The following IDE variants were observed in gnomAD, a reference collection of about 807,000 sequenced individuals.
The protein encoded by IDE is insulin degrading enzyme.
A neutral mutation model predicts 133.2 loss-of-function variants in IDE; 58 were observed. The observed-to-expected ratio is 0.44, with a 90% CI of 0.35 to 0.54. The LOEUF (loss-of-function observed/expected upper bound fraction) is 0.54. IDE is among the 20% of genes least tolerant of loss of function. The pLI, the probability that IDE is intolerant of heterozygous loss-of-function variation, is 0.00. For synonymous variants in IDE, 396 were observed against 421.3 expected (o/e 0.94, Z 0.73); for missense variants, 981 against 1,234.0 (o/e 0.79, Z 3.07).
intron 1 of IDE, chr10:92,541,197 AT>A: frequency 6.8e-6 from 2 of 293,942 alleles, no homozygotes. Context: ...TAGTAGCAAC[AT>A]TTTCAAACAA....
chr10:92,560,424 T>G (rs1213826473), intron 1 of IDE, among the ~76,000 whole-genome samples: 1 of 152,200 alleles, frequency 6.6e-6, no homozygotes, highest in Non-Finnish European at 1.5e-5. Context: ...CTTGACTTAC[T>G]GTACACTGTT....
Position 92,562,172 on chromosome 10 carries a change from A to G in IDE, c.98+11750T>C, listed in dbSNP as rs532196186. 7.9e-5 allele frequency among the ~76,000 whole-genome samples: 12 copies of G among 152,312 alleles called. No homozygotes were observed. The South Asian group carries it at 2.3e-3, about 29-fold the overall frequency. On this transcript the variant is annotated intron_variant, in intron 1 of 24. Coordinates refer to ENST00000265986, the MANE Select transcript of IDE (RefSeq NM_004969.4). ...TCAGGATTTCTAAGTGTTGATTCCC[A>G]TTTAAAAAATAACAACTGCAAAACA...
chr10:92,463,118 T>C (rs1845486325), intron 21 of IDE, among the ~76,000 whole-genome samples: 1 of 152,142 alleles, frequency 6.6e-6, no homozygotes, highest in Non-Finnish European at 1.5e-5. Flanking sequence ...AAAAAAGGTG[T>C]CTTGACCAAG....
At chr10:92,544,501 T>C (rs566508877) in intron 1 of IDE, among the ~76,000 whole-genome samples, 1 of 152,164 alleles carries the variant, frequency 6.6e-6, no homozygotes, top group Non-Finnish European at 1.5e-5. Context: ...GGCAAGCTGA[T>C]TGTGGTAAAG....
At chr10:92,569,828 T>C (rs75673472) in intron 1 of IDE, among the ~76,000 whole-genome samples, 5,416 of 152,200 alleles carry the variant, frequency 0.036, 363 homozygotes, top group African/African-American at 0.12. Context: ...TAAAAAGTTA[T>C]TCCGAGCGCA....
At chr10:92,564,695 A>C (rs1843441169) in intron 1 of IDE, among the ~76,000 whole-genome samples, 2 of 138,348 alleles carry the variant, frequency 1.4e-5, no homozygotes, top group Non-Finnish European at 1.6e-5. Context: ...AAAAAAAAAA[A>C]AAAAAAAAAA....
At chr10:92,555,325 C>T (rs1284609754) in intron 1 of IDE, among the ~76,000 whole-genome samples, 6 of 151,902 alleles carry the variant, frequency 3.9e-5, no homozygotes, top group Admixed American at 3.3e-4. Context: ...TGGTGAAATC[C>T]CATCTCTACT....
intron 4 of IDE, among the ~76,000 whole-genome samples, chr10:92,519,178 G>A (rs1404520556): frequency 6.6e-6 from 1 of 152,120 alleles, no homozygotes; most frequent in Non-Finnish European, 1.5e-5. Flanking sequence ...ACAAAAAGAT[G>A]TACTCCCCAG....
intron 4 of IDE, among the ~76,000 whole-genome samples, chr10:92,528,036 T>G (rs1319125668): frequency 6.6e-6 from 1 of 152,214 alleles, no homozygotes; most frequent in Non-Finnish European, 1.5e-5. Flanking sequence ...CCTTGCTGAA[T>G]TATTTTTAAT....
At chr10:92,492,958 A>C (rs1363660907) in intron 11 of IDE, among the ~76,000 whole-genome samples, 1 of 152,182 alleles carries the variant, frequency 6.6e-6, no homozygotes, top group African/African-American at 2.4e-5. Flanking sequence ...ATGACCGACT[A>C]ATCTTCCAGC....
intron 10 of IDE, 58 bp downstream of exon 10, chr10:92,506,384 C>T: frequency 1.3e-6 from 1 of 784,420 alleles, no homozygotes; most frequent in Non-Finnish European, 2.1e-6. Context: ...AAAATATATG[C>T]AAGATTGCTG....
rs145383173 is a variant in IDE at position 92,516,483 on chromosome 10, C to T, written c.662-1441G>A. Among the ~76,000 whole-genome samples, 533 of 151,928 alleles carry T rather than the reference C, an allele frequency of 3.5e-3. 3 individuals are homozygous for T. Among genetic ancestry groups the T allele is most frequent in the Middle Eastern group, 0.024 (7 of 294 alleles). The stretch of plus-strand genomic sequence containing the variant: ...CACTCCTGGGCAACAGAGTGAGACT[C>T]TGTCTCAAAAAAATATGTCTATATC... On this transcript the variant is annotated intron_variant, in intron 4 of 24. Coordinates refer to ENST00000265986, the MANE Select transcript of IDE (RefSeq NM_004969.4).
intron 4 of IDE, among the ~76,000 whole-genome samples, chr10:92,518,191 G>A (rs557538156): frequency 2.0e-5 from 3 of 152,196 alleles, no homozygotes; most frequent in South Asian, 2.1e-4. Flanking sequence ...CAGTTCTAGA[G>A]GGAGTTTTGC....
At chr10:92,568,659 T>C (rs929470656) in intron 1 of IDE, among the ~76,000 whole-genome samples, 6 of 151,514 alleles carry the variant, frequency 4.0e-5, no homozygotes, top group African/African-American at 1.5e-4. Flanking sequence ...CTACTAAAAA[T>C]ACAAAAATTA....
At chr10:92,484,031 T>C (rs767291467) in intron 13 of IDE, among the ~76,000 whole-genome samples, 35 of 152,134 alleles carry the variant, frequency 2.3e-4, no homozygotes, top group Non-Finnish European at 4.0e-4. Flanking sequence ...ACTGAAACCT[T>C]GGCCAACAGC....
At chr10:92,491,930 G>A (rs576372509) in intron 11 of IDE, among the ~76,000 whole-genome samples, 2 of 151,938 alleles carry the variant, frequency 1.3e-5, no homozygotes, top group East Asian at 1.9e-4. Context: ...TTTTTGATGC[G>A]ACAGTAGAAA....
intron 1 of IDE, chr10:92,558,944 A>AC (rs1564679898): frequency 1.3e-5 from 2 of 151,638 alleles, no homozygotes; most frequent in African/African-American, 4.9e-5. Flanking sequence ...AAAAAAAAAA[A>AC]CCCAATTAAC....
intron 22 of IDE, among the ~76,000 whole-genome samples, chr10:92,456,697 A>C (rs899303007): frequency 6.6e-6 from 1 of 151,744 alleles, no homozygotes; most frequent in African/African-American, 2.4e-5. Context: ...CAATTAGCCA[A>C]ATGTGGTGGC....
intron 14 of IDE, chr10:92,480,785 G>A (rs1846555343): frequency 6.1e-6 from 1 of 164,374 alleles, no homozygotes; most frequent in Non-Finnish European, 1.3e-5. Context: ...GTTGAGTCAA[G>A]GTCTCACTGT....
Sources: gnomAD v4.1 joint callset for allele counts (sites outside exome capture counted in the v4.1 genomes callset) on GRCh38, gnomAD v4.1.1 for gene constraint, MANE v1.5 for transcripts, NCBI Gene and HGNC (gene_info 2026-07-23, HGNC 2026-07-21) for gene names.